The following KCTD14 variants were observed in gnomAD, a reference collection of about 807,000 sequenced individuals.
The protein encoded by KCTD14 is BTB/POZ domain-containing protein KCTD14.
KCTD14 carries 7 observed loss-of-function variants against 5.9 expected under a neutral mutation model. The observed-to-expected ratio is 1.19, with a 90% confidence interval of 0.68 to 2.23. KCTD14 has a LOEUF of 2.23. KCTD14 is among the 30% of genes most tolerant of loss of function. The pLI, the probability that KCTD14 is intolerant of heterozygous loss-of-function variation, is 0.00. For synonymous variants in KCTD14, 140 were observed against 133.1 expected (o/e 1.05, Z -0.36); for missense variants, 342 against 332.2 (o/e 1.03, Z -0.23).
At chr11:78,037,000 A>G (rs1279367481) in intron 2 of KCTD14, among the ~76,000 whole-genome samples, 1 of 152,250 alleles carries the variant, frequency 6.6e-6, no homozygotes, top group Non-Finnish European at 1.5e-5. Context: ...CCAAGGCCAA[A>G]GAAGGAATAT....
At chr11:78,032,808 A>T (rs1425676608) in intron 2 of KCTD14, among the ~76,000 whole-genome samples, 7 of 148,026 alleles carry the variant, frequency 4.7e-5, no homozygotes, top group Non-Finnish European at 8.9e-5. Context: ...AGGCTCAACC[A>T]TGTCACCCCC....
At chr11:78,034,472 T>C (rs1857730611) in intron 2 of KCTD14, among the ~76,000 whole-genome samples, 1 of 152,070 alleles carries the variant, frequency 6.6e-6, no homozygotes, top group South Asian at 2.1e-4. Context: ...TCTCTCTCTC[T>C]CTCTCTGCCT....
intron 2 of KCTD14, among the ~76,000 whole-genome samples, chr11:78,028,724 T>C (rs1218825646): frequency 6.6e-6 from 1 of 151,938 alleles, no homozygotes; most frequent in African/African-American, 2.4e-5. Flanking sequence ...GCAGATCAGT[T>C]GAGCCCAGGA....
At chr11:78,040,445 T>TAGAAAAG (rs1857958081) in intron 1 of KCTD14, among the ~76,000 whole-genome samples, 1 of 151,998 alleles carries the variant, frequency 6.6e-6, no homozygotes. Flanking sequence ...TCTCTGGCTC[T>TAGAAAAG]TTTCTCTTTG....
At chr11:78,043,332 T>C (rs1471799364) in intron 1 of KCTD14, among the ~76,000 whole-genome samples, 1 of 152,352 alleles carries the variant, frequency 6.6e-6, no homozygotes, top group East Asian at 1.9e-4. Context: ...AAAATGATGA[T>C]GTCTCTTGCT....
intron 1 of KCTD14, among the ~76,000 whole-genome samples, chr11:78,044,745 A>G (rs754877816): frequency 4.6e-5 from 7 of 152,102 alleles, no homozygotes; most frequent in Non-Finnish European, 7.4e-5. Flanking sequence ...AAAGTTTATT[A>G]AAAAGTTTTA....
intron 1 of KCTD14, among the ~76,000 whole-genome samples, chr11:78,020,311 A>T (rs1857275904): frequency 6.6e-6 from 1 of 152,196 alleles, no homozygotes; most frequent in Non-Finnish European, 1.5e-5. Flanking sequence ...CCTCATTCTC[A>T]ACTGGTCTGT....
At chr11:78,031,046 G>GT (rs11342063) in intron 2 of KCTD14, among the ~76,000 whole-genome samples, 4,331 of 131,346 alleles carry the variant, frequency 0.033, 181 homozygotes, top group African/African-American at 0.089. Context: ...GCAAGTAATG[G>GT]TTTTTTTTTT....
At chr11:78,042,639 CTG>C (rs1858025745) in intron 1 of KCTD14, among the ~76,000 whole-genome samples, 1 of 152,224 alleles carries the variant, frequency 6.6e-6, no homozygotes, top group South Asian at 2.1e-4. Flanking sequence ...GCATCATTGT[CTG>C]GGGTAAATAT....
intron 1 of KCTD14, among the ~76,000 whole-genome samples, chr11:78,042,825 C>T (rs1011265371): frequency 2.6e-5 from 4 of 152,184 alleles, no homozygotes; most frequent in East Asian, 1.9e-4. Flanking sequence ...GTTTTCTAGA[C>T]GAGTTTGAGG....
rs374366969 is a variant in KCTD14, at chr11:78,016,637, C to A, written c.724G>T (p.Glu242Ter). Reference sequence around the variant, plus strand: ...AATGAATAAATGTTAAAATGGAATTCGTTTCTTTTGGTGGGGTACGTCAGG... The same window carrying A: ...AATGAATAAATGTTAAAATGGAATTAGTTTCTTTTGGTGGGGTACGTCAGG... ...FYLTYPTKRN[E>*]FHFNIYSFTF... Residue 242 changes from glutamate to a stop codon, truncating the protein, a stop_gained, in exon 2 of 2, where the codon GAA becomes TAA. Coordinates refer to ENST00000353172, the MANE Select transcript of KCTD14 (RefSeq NM_023930.4). LOFTEE classifies it low-confidence loss of function (END_TRUNC). The A allele has an allele frequency of 6.8e-6, 11 of 1,613,982 alleles. No individual in the cohort carries two copies. The highest frequency in any genetic ancestry group is 7.6e-6 in the Non-Finnish European group (9 of 1,180,002).
chr11:78,025,817 TC>T (rs2136721857), upstream of KCTD14, among the ~76,000 whole-genome samples: 1 of 152,264 alleles, frequency 6.6e-6, no homozygotes, highest in South Asian at 2.1e-4. Flanking sequence ...GAGCATAATT[TC>T]CCACTCCTTA....
chr11:78,044,954 C>T (rs1366556355), intron 1 of KCTD14, among the ~76,000 whole-genome samples: 1 of 152,096 alleles, frequency 6.6e-6, no homozygotes, highest in African/African-American at 2.4e-5. Flanking sequence ...GGGAGGGGCC[C>T]GCATGTGTAG....
At chr11:78,030,084 T>C (rs1026088631) in intron 2 of KCTD14, among the ~76,000 whole-genome samples, 4 of 152,146 alleles carry the variant, frequency 2.6e-5, no homozygotes, top group Non-Finnish European at 4.4e-5. Context: ...GCGCCTGGCC[T>C]TTCTGTGAGA....
At chr11:78,037,773 C>T (rs1458189894) in intron 2 of KCTD14, among the ~76,000 whole-genome samples, 3 of 151,920 alleles carry the variant, frequency 2.0e-5, no homozygotes, top group Non-Finnish European at 4.4e-5. Context: ...GAGCCAAGAT[C>T]GCGCCACTGC....
intron 2 of KCTD14, among the ~76,000 whole-genome samples, chr11:78,033,998 T>C (rs1857716649): frequency 6.6e-6 from 1 of 151,412 alleles, no homozygotes; most frequent in Non-Finnish European, 1.5e-5. Context: ...GACTTAGTCA[T>C]CATTACCTCT....
Position 78,016,757 on chromosome 11 carries a change from C to G in KCTD14, c.604G>C (p.Gly202Arg). 6.2e-7 allele frequency: 1 copy of G among 1,614,216 alleles called. No individual in the cohort carries two copies. Among genetic ancestry groups the G allele is most frequent in the Non-Finnish European group, 8.5e-7 (1 of 1,180,024 alleles). ...TTGTCTAGGACCGCCTTCCAGGGCC[C>G]AAACTTGACAACAGACTTGAACATC... is the stretch of plus-strand genomic sequence containing the variant. The part of the protein sequence containing the change: ...KKMFKSVVKF[G>R]PWKAVLDNSD... Residue 202 changes from glycine (G) to arginine (R), a missense_variant, in exon 2 of 2, where the codon GGG (glycine) becomes CGG (arginine). Coordinates refer to ENST00000353172, the MANE Select transcript of KCTD14 (RefSeq NM_023930.4).
chr11:78,031,668 G>A lies in KCTD14; in HGVS notation c.-1+6996C>T, dbSNP rs187069724. On this transcript the variant is annotated intron_variant, in intron 2 of 2. Transcript: ENST00000533144. Reference sequence around the variant, plus strand: ...CTCTCAAAGTGCTGGGATTATAGGCGTGAGCCACAGCACCCAGCCCGTAAT... The same window carrying A: ...CTCTCAAAGTGCTGGGATTATAGGCATGAGCCACAGCACCCAGCCCGTAAT... Among the ~76,000 whole-genome samples, 378 of 152,184 alleles carry A rather than the reference G, an allele frequency of 2.5e-3. 2 individuals are homozygous for A. The highest frequency in any genetic ancestry group is 6.8e-3 in the Middle Eastern group (2 of 294).
chr11:78,045,742 G>A (rs1268605038), intron 1 of KCTD14, among the ~76,000 whole-genome samples: 3 of 152,150 alleles, frequency 2.0e-5, no homozygotes, highest in Non-Finnish European at 4.4e-5. Flanking sequence ...AAGCAGCCCT[G>A]GGGGAGACAG....
Sources: allele counts gnomAD v4.1 joint callset (sites outside exome capture counted in the v4.1 genomes callset), GRCh38; gene constraint gnomAD v4.1.1; transcripts MANE v1.5; gene names NCBI Gene and HGNC (gene_info 2026-07-23, HGNC 2026-07-21).